Variants in FCRL6 observed in about 807,000 individuals in gnomAD.
The protein encoded by FCRL6 is Fc receptor like 6.
Under a neutral mutation model 49.1 loss-of-function variants are expected in FCRL6, and 50 were observed. The ratio of observed to expected loss-of-function variants is 1.02; its 90% CI spans 0.81 to 1.29. The LOEUF is 1.29. Ranked by LOEUF, FCRL6 falls within the 50% of genes most tolerant of loss-of-function variation. The pLI is 0.00. For synonymous variants in FCRL6, 213 were observed against 199.6 expected, an observed-to-expected ratio of 1.07 and a Z score of -0.57; for missense variants, 571 against 518.5, an observed-to-expected ratio of 1.10 and a Z score of -0.98.
chr1:159,802,285 C>T, upstream of FCRL6: 1 of 693,926 alleles, frequency 1.4e-6, no homozygotes, highest in Non-Finnish European at 2.4e-6. Context: ...TTTCCACTTC[C>T]TATTTTGGCT....
rs148399421 is a variant in FCRL6 at position 159,814,257 on chromosome 1, A to G, written c.1112A>G (p.Tyr371Cys). 65 of 1,614,058 alleles carry G rather than the reference A, an allele frequency of 4.0e-5. No individual in the cohort carries two copies. In the Middle Eastern group the frequency reaches 5.0e-4, roughly 12 times the overall value. ...AAAGGGAAAGATGAAGGTGTTGTCT[A>G]CTCTGTGGTGCATAGAACCTCAAAG... is the stretch of plus-strand genomic sequence containing the variant. ...HQKGKDEGVVYSVVHRTSKRS... is the reference protein window; with the variant it reads ...HQKGKDEGVVCSVVHRTSKRS... The change falls in exon 8 of 10, where the codon TAC becomes TGC. Residue 371 changes from tyrosine (Y) to cysteine (C), a missense_variant. Transcript: ENST00000368106.
intron 1 of FCRL6, among the ~76,000 whole-genome samples, chr1:159,803,973 C>A (rs200327382): frequency 6.6e-6 from 1 of 152,102 alleles, no homozygotes; most frequent in Non-Finnish European, 1.5e-5. Context: ...GTCAGGGCTC[C>A]GGGAGGAAAG....
rs1255423382 is a variant in FCRL6, at chr1:159,809,952, T to C, written c.887-142T>C. The C allele has an allele frequency of 5.7e-6, 6 of 1,058,846 alleles. No individual in the cohort carries two copies. In the African/African-American group the frequency reaches 9.5e-5, roughly 17 times the overall value. The allele number at this position is 1,058,846 out of a possible 1,614,324, so 65.6% of individuals were successfully genotyped here. A position where few individuals can be genotyped will look rare whatever the true frequency, so the allele number is the denominator to read the frequency against. ...ATCCTTGCTGCCATCCCCTGAGCCA[T>C]CCTTCATGCCCATCTATGAGGCTCC... On this transcript the variant is annotated intron_variant, in intron 5 of 9. Coordinates refer to ENST00000368106, the MANE Select transcript of FCRL6 (RefSeq NM_001004310.3).
At chr1:159,803,677 C>G (rs375358317) in intron 1 of FCRL6, among the ~76,000 whole-genome samples, 1 of 152,180 alleles carries the variant, frequency 6.6e-6, no homozygotes, top group African/African-American at 2.4e-5. Flanking sequence ...TAGATACAGT[C>G]TGAGAGTGTT....
At chr1:159,801,423 A>T (rs1395687852), upstream of FCRL6, among the ~76,000 whole-genome samples, 2 of 152,168 alleles carry the variant, frequency 1.3e-5, no homozygotes, top group East Asian at 3.9e-4. Flanking sequence ...TCAGTAGAGG[A>T]TTGCATGGGG....
chr1:159,808,827 G>C (rs893553906), intron 3 of FCRL6, 134 bp from the exon 4 acceptor site: 24 of 854,506 alleles, frequency 2.8e-5, no homozygotes, highest in Middle Eastern at 5.6e-4. Flanking sequence ...AAGAGGACGG[G>C]TCCTAGGGAT....
rs1202671448 is a variant in FCRL6, at chr1:159,815,707, G to A, written c.*46G>A. The A allele has an allele frequency of 1.2e-6, 2 of 1,610,048 alleles. No individual in the cohort carries two copies. Among genetic ancestry groups the A allele is most frequent in the Non-Finnish European group, 1.7e-6 (2 of 1,178,976 alleles). On this transcript the variant is annotated 3_prime_UTR_variant, in exon 10 of 10. Transcript: ENST00000368106. ...CACACGCCCACCCCCAGTCTCCAGT[G>A]CTCCTCAGGAAGACAGTGGGGTCCT... is the stretch of plus-strand genomic sequence containing the variant.
rs746494248 is a variant in FCRL6 at position 159,810,076 on chromosome 1, T to A, written c.887-18T>A. Reference sequence around the variant, plus strand: ...TTATCTTCAGTGCTCATGGCCACCTTCTTCTCCCTGCTCCCAGGTTCTCAA... The same window carrying A: ...TTATCTTCAGTGCTCATGGCCACCTACTTCTCCCTGCTCCCAGGTTCTCAA... On this transcript the variant is annotated intron_variant, in intron 5 of 9. Transcript: ENST00000368106. The A allele has an allele frequency of 6.2e-7, 1 of 1,607,174 alleles. No homozygotes were observed. Among genetic ancestry groups the A allele is most frequent in the South Asian group, 1.1e-5 (1 of 89,986 alleles).
At chr1:159,812,066 T>C (rs753031989) in intron 6 of FCRL6, among the ~76,000 whole-genome samples, 94 of 152,336 alleles carry the variant, frequency 6.2e-4, no homozygotes, top group Non-Finnish European at 1.2e-3. Context: ...CCTCTTGATG[T>C]AGAGATTATA....
chr1:159,805,411 A>G (rs1320657982), intron 1 of FCRL6, among the ~76,000 whole-genome samples: 2 of 152,136 alleles, frequency 1.3e-5, no homozygotes, highest in East Asian at 3.9e-4. Flanking sequence ...CCAGCAATGC[A>G]GGACACAAGT....
In FCRL6 at chr1:159,809,655, G is replaced by T; in HGVS notation, c.858G>T (p.Arg286Ser). 1 of 1,614,126 alleles carries T rather than the reference G, an allele frequency of 6.2e-7. No individual in the cohort carries two copies. Among genetic ancestry groups the T allele is most frequent in the South Asian group, 1.1e-5 (1 of 91,076 alleles). Reference sequence around the variant, plus strand: ...CTGAGAACAGTGTCTCCAGAGAGAGGAGTGAGCCCAAGAAGCTGTCTCTGA... The same window carrying T: ...CTGAGAACAGTGTCTCCAGAGAGAGTAGTGAGCCCAAGAAGCTGTCTCTGA... ...CEAENSVSRERSEPKKLSLKG... is the reference protein window; with the variant it reads ...CEAENSVSRESSEPKKLSLKG... Residue 286 changes from arginine to serine, a missense_variant, in exon 5 of 10, where the codon AGG (arginine) becomes AGT (serine). By Grantham distance (110) the Arg-to-Ser change is moderately radical (BLOSUM62 -1). Coordinates refer to ENST00000368106, the MANE Select transcript of FCRL6 (RefSeq NM_001004310.3).
Position 159,808,964 on chromosome 1 carries a change from T to A in FCRL6, c.323T>A (p.Leu108Gln), listed in dbSNP as rs149327737. The A allele has an allele frequency of 2.0e-4, 317 of 1,603,016 alleles. No individual in the cohort carries two copies. The highest frequency in any genetic ancestry group is 2.4e-4 in the Non-Finnish European group (282 of 1,173,898). Residue 108 changes from leucine to glutamine, a missense_variant, in exon 4 of 10, where the codon CTG (leucine) becomes CAG (glutamine). Transcript: ENST00000368106. The part of the protein sequence containing the change: ...SETAMVQVQE[L>Q]FPPPVLSAIP... ...TCCTGGGCCTGCATCTCCCCAGAGC[T>A]GTTTCCACCTCCTGTGCTGAGTGCC...
chr1:159,808,885 G>A, intron 3 of FCRL6, 76 bp from the exon 4 acceptor site: 1 of 1,449,534 alleles, frequency 6.9e-7, no homozygotes, highest in South Asian at 1.4e-5. Flanking sequence ...GAGATGAGTA[G>A]AAGCTCAGGC....
intron 1 of FCRL6, among the ~76,000 whole-genome samples, chr1:159,804,688 C>A (rs1422411302): frequency 6.6e-6 from 1 of 152,206 alleles, no homozygotes; most frequent in African/African-American, 2.4e-5. Context: ...CCATGGGGAG[C>A]AAGTCATTGA....
chr1:159,801,610 C>T (rs753102122), upstream of FCRL6, among the ~76,000 whole-genome samples: 2 of 152,140 alleles, frequency 1.3e-5, no homozygotes, highest in Non-Finnish European at 2.9e-5. Context: ...CTGTGAAGTA[C>T]CTATCCAATT....
upstream of FCRL6, chr1:159,802,166 A>G: frequency 4.6e-6 from 2 of 434,086 alleles, no homozygotes; most frequent in Admixed American, 6.8e-5. Context: ...AATGTCAGGG[A>G]TTTATTAGTG....
At position 159,810,127 on chromosome 1, in the gene FCRL6, G is replaced by T; in HGVS notation, c.920G>T (p.Trp307Leu). The T allele has an allele frequency of 6.2e-7, 1 of 1,613,980 alleles. No individual in the cohort carries two copies. Among genetic ancestry groups the T allele is most frequent in the Non-Finnish European group, 8.5e-7 (1 of 1,179,950 alleles). The change falls in exon 6 of 10, where the codon TGG (tryptophan) becomes TTG (leucine). Residue 307 changes from tryptophan to leucine, a missense_variant. Transcript: ENST00000368106. ...GTCTTGTTCACTCCCGCCAGCAACT[G>T]GCTGGTTCCTTGGCTTCCTGCGAGC... is the stretch of plus-strand genomic sequence containing the variant. The part of the protein sequence containing the change: ...SQVLFTPASN[W>L]LVPWLPASLL...
chr1:159,808,363 C>A lies in FCRL6; in HGVS notation c.238C>A (p.Gln80Lys). Residue 80 changes from glutamine to lysine, a missense_variant, in exon 3 of 10, where the codon CAG (glutamine) becomes AAG (lysine). Physicochemically the swap from Gln to Lys is moderately conservative, Grantham distance 53. Transcript: ENST00000368106. ...MGAATVQSRGQYSCSGQVMYI... is the reference protein window; with the variant it reads ...MGAATVQSRGKYSCSGQVMYI... ...AGCAGCAACAGTGCAGAGCCGTGGCCAGTACAGCTGCTCTGGGCAGGTGAT... is the reference window on the plus strand; with the variant it reads ...AGCAGCAACAGTGCAGAGCCGTGGCAAGTACAGCTGCTCTGGGCAGGTGAT... 6.2e-7 allele frequency: 1 copy of A among 1,614,178 alleles called. No individual in the cohort carries two copies. The highest frequency in any genetic ancestry group is 8.5e-7 in the Non-Finnish European group (1 of 1,180,028).
intron 3 of FCRL6, 42 bp downstream of exon 3, chr1:159,808,486 C>T (rs888640535): frequency 1.2e-6 from 2 of 1,612,116 alleles, no homozygotes; most frequent in South Asian, 2.2e-5. Context: ...GGAGGTGCTG[C>T]TCAAGGGTCC....
Sources: allele counts gnomAD v4.1 joint callset (sites outside exome capture counted in the v4.1 genomes callset), GRCh38; gene constraint gnomAD v4.1.1; transcripts MANE v1.5; gene names NCBI Gene and HGNC (gene_info 2026-07-23, HGNC 2026-07-21).